INPP5A: variants seen among roughly 807,000 people sequenced by gnomAD.
The protein encoded by INPP5A is inositol polyphosphate-5-phosphatase A.
INPP5A carries 14 observed loss-of-function variants against 65.2 expected under a neutral mutation model. The observed-to-expected ratio is 0.21, with a 90% CI of 0.14 to 0.34. The LOEUF (loss-of-function observed/expected upper bound fraction) is 0.34. Among genes scored for constraint, INPP5A ranks in the 10% least tolerant of loss-of-function variants. The pLI, the probability that INPP5A is intolerant of heterozygous loss-of-function variation, is 1.00. For synonymous variants in INPP5A, 207 were observed against 208.3 expected, an observed-to-expected ratio of 0.99 and a Z score of 0.05; for missense variants, 431 against 545.6, an observed-to-expected ratio of 0.79 and a Z score of 2.09.
chr10:132,708,562 T>A, intron 7 of INPP5A, 197 bp downstream of exon 7: 1 of 719,650 alleles, frequency 1.4e-6, no homozygotes, highest in Non-Finnish European at 2.6e-6. Context: ...CTGTTCCCTG[T>A]AAGTCAGACA....
intron 9 of INPP5A, among the ~76,000 whole-genome samples, chr10:132,748,319 C>T (rs1296637294): frequency 2.0e-5 from 3 of 152,206 alleles, no homozygotes; most frequent in East Asian, 1.9e-4. Context: ...CCCACACCAG[C>T]GATGCAGAAA....
intron 4 of INPP5A, among the ~76,000 whole-genome samples, chr10:132,673,249 C>T (rs528469023): frequency 6.6e-6 from 1 of 152,284 alleles, no homozygotes; most frequent in East Asian, 1.9e-4. Context: ...TGGCAGCATT[C>T]TTCCCTCTGG....
At chr10:132,571,104 C>T (rs940270365) in intron 1 of INPP5A, among the ~76,000 whole-genome samples, 1 of 152,280 alleles carries the variant, frequency 6.6e-6, no homozygotes, top group African/African-American at 2.4e-5. Context: ...ACCTGCTGGG[C>T]CCTCCTCACC....
chr10:132,733,739 C>T lies in INPP5A; in HGVS notation c.732+6834C>T, dbSNP rs748684417. ...ATGCCGGCCTCCCTCTGCGTGTGAA[C>T]GGGGTGATATTGGCCTCCCTCCGTG... On this transcript the variant is annotated intron_variant, in intron 9 of 15. Transcript: ENST00000368594. Among the ~76,000 whole-genome samples, 234 of 152,300 alleles carry T rather than the reference C, an allele frequency of 1.5e-3. 1 individual carries two copies. Among genetic ancestry groups the T allele is most frequent in the Non-Finnish European group, 2.5e-3 (173 of 68,022 alleles).
rs374589575 is a variant in INPP5A at position 132,698,388 on chromosome 10, G to A, written c.474+469G>A. 4.6e-5 allele frequency among the ~76,000 whole-genome samples: 7 copies of A among 152,230 alleles called. No homozygotes were observed. Among genetic ancestry groups the A allele is most frequent in the Admixed American group, 1.3e-4 (2 of 15,292 alleles). On this transcript the variant is annotated intron_variant, in intron 6 of 15. Coordinates refer to ENST00000368594, the MANE Select transcript of INPP5A (RefSeq NM_005539.5). This position sits in a 1 kb window ranked among gnomAD's most constrained non-coding sequence, Gnocchi z 5.5. ...GCCAGGCTGCGAGCAGCAGGGTCCC[G>A]GCAGTTATGCCTGCGTCACACGGAG...
Position 132,782,102 on chromosome 10 carries a change from C to T in INPP5A, c.*73C>T. 1 of 1,538,664 alleles carries T rather than the reference C, an allele frequency of 6.5e-7. No individual in the cohort carries two copies. Among genetic ancestry groups the T allele is most frequent in the South Asian group, 1.2e-5 (1 of 83,604 alleles). On this transcript the variant is annotated 3_prime_UTR_variant, in exon 16 of 16. Transcript: ENST00000368594. The surrounding 1 kb of genome is among the most constrained non-coding windows in gnomAD (Gnocchi z 4.4). ...TCCCTGTAGCCGTGGACCGAATACG[C>T]ACTCTTGAAAGCTGCATCGAGAACC...
In INPP5A at chr10:132,697,247, C is replaced by A. The variant is rs142540207; in HGVS notation, c.371-569C>A. ...AGAAAGGCTGAGGCCTGGTTGTGAA[C>A]AATAGTGAGACGGGCCCTGCCCATG... On this transcript the variant is annotated intron_variant, in intron 5 of 15. Coordinates refer to ENST00000368594, the MANE Select transcript of INPP5A (RefSeq NM_005539.5). The surrounding 1 kb of genome is among the most constrained non-coding windows in gnomAD (Gnocchi z 5.6). Among the ~76,000 whole-genome samples the A allele has an allele frequency of 6.6e-6, 1 of 152,206 alleles. No individual in the cohort carries two copies. The highest frequency in any genetic ancestry group is 2.4e-5 in the African/African-American group (1 of 41,450).
rs775271931 is a variant in INPP5A at position 132,635,386 on chromosome 10, A to ATTTTTTTTTTTTTTTTTTTTTTTTT, written c.118-10479_118-10455dup. Among the ~76,000 whole-genome samples the ATTTTTTTTTTTTTTTTTTTTTTTTT allele has an allele frequency of 9.2e-5, 5 of 54,500 alleles. 1 individual carries two copies. The highest frequency in any genetic ancestry group is 1.0e-3 in the South Asian group (1 of 996). 35.8% of individuals were successfully genotyped at this position (54,500 alleles called of 152,430 possible). A position where few individuals can be genotyped will look rare whatever the true frequency, so the allele number is the denominator to read the frequency against. ...TTATTGGCTGTTTGCCTTTTTAAAGATTTTTTTTTTTTTTTTTTTTTTTTT... is the reference window on the plus strand; with the variant it reads ...TTATTGGCTGTTTGCCTTTTTAAAGATTTTTTTTTTTTTTTTTTTTTTTTTTTTTTTTTTTTTTTTTTTTTTTTTT... On this transcript the variant is annotated intron_variant, in intron 2 of 15. Coordinates refer to ENST00000368594, the MANE Select transcript of INPP5A (RefSeq NM_005539.5).
At chr10:132,583,337 G>A (rs2133302714) in intron 1 of INPP5A, among the ~76,000 whole-genome samples, 1 of 152,252 alleles carries the variant, frequency 6.6e-6, no homozygotes, top group Non-Finnish European at 1.5e-5. Context: ...GTAAACAGTT[G>A]GCATTTGCAG....
chr10:132,632,101 G>GTGC (rs1414240816), intron 2 of INPP5A, among the ~76,000 whole-genome samples: 2 of 152,260 alleles, frequency 1.3e-5, no homozygotes, highest in African/African-American at 4.8e-5. Flanking sequence ...GGTCACATCT[G>GTGC]TGCTTTGCAG....
chr10:132,611,917 GA>G (rs1266721263), intron 2 of INPP5A, among the ~76,000 whole-genome samples: 1 of 136,340 alleles, frequency 7.3e-6, no homozygotes, highest in Non-Finnish European at 1.6e-5. Flanking sequence ...TGTGGGAGGT[GA>G]GGGGGGCAGG....
chr10:132,597,919 G>A (rs1181792566), intron 1 of INPP5A, among the ~76,000 whole-genome samples: 1 of 152,030 alleles, frequency 6.6e-6, no homozygotes, highest in Non-Finnish European at 1.5e-5. Flanking sequence ...TGGGCCTGTG[G>A]TGCGTCCTGC....
chr10:132,681,416 C>G (rs956813579), intron 4 of INPP5A, among the ~76,000 whole-genome samples: 4 of 152,218 alleles, frequency 2.6e-5, no homozygotes, highest in Non-Finnish European at 5.9e-5. Context: ...CAGCTTCACT[C>G]CTGAGCCAGC....
chr10:132,701,330 C>T (rs1391627502), intron 6 of INPP5A, among the ~76,000 whole-genome samples: 2 of 152,176 alleles, frequency 1.3e-5, no homozygotes, highest in African/African-American at 4.8e-5. Flanking sequence ...GGCCAGGGGG[C>T]GGCCACCTCG....
chr10:132,611,955 G>A (rs2071963045), intron 2 of INPP5A, among the ~76,000 whole-genome samples: 1 of 143,338 alleles, frequency 7.0e-6, no homozygotes. Context: ...AGGAGGGTGT[G>A]GGAGGTGAGG....
intron 2 of INPP5A, among the ~76,000 whole-genome samples, chr10:132,643,618 C>T (rs533224854): frequency 9.9e-5 from 15 of 152,264 alleles, no homozygotes; most frequent in African/African-American, 3.1e-4. Flanking sequence ...GGTGAAGGGA[C>T]GGGGCATGAG....
At chr10:132,751,298 G>A (rs543401067) in intron 11 of INPP5A, among the ~76,000 whole-genome samples, 4 of 152,318 alleles carry the variant, frequency 2.6e-5, no homozygotes, top group African/African-American at 2.4e-5. Flanking sequence ...CACTGGGGTC[G>A]GGTCAGGCCT....
At chr10:132,583,377 G>C (rs2071509559) in intron 1 of INPP5A, among the ~76,000 whole-genome samples, 1 of 152,156 alleles carries the variant, frequency 6.6e-6, no homozygotes, top group African/African-American at 2.4e-5. Context: ...TTTTTCTCCA[G>C]GCTTGAGGCC....
chr10:132,720,839 G>A (rs1281896781), intron 8 of INPP5A, among the ~76,000 whole-genome samples: 1 of 149,070 alleles, frequency 6.7e-6, no homozygotes, highest in Non-Finnish European at 1.5e-5. Flanking sequence ...CCTGGGTTCT[G>A]TCTGGGCACC....
Sources: allele counts gnomAD v4.1 joint callset (sites outside exome capture counted in the v4.1 genomes callset), GRCh38; gene constraint gnomAD v4.1.1; non-coding constraint Gnocchi (gnomAD v3.1); transcripts MANE v1.5; gene names NCBI Gene and HGNC (gene_info 2026-07-23, HGNC 2026-07-21).